Variants in MAP2 observed in about 807,000 individuals in gnomAD.
The protein encoded by MAP2 is microtubule-associated protein 2.
A neutral mutation model predicts 137.6 loss-of-function variants in MAP2; 14 were observed. The ratio of observed to expected loss-of-function variants is 0.10; its 90% CI spans 0.07 to 0.16. The LOEUF is 0.16. Among genes scored for constraint, MAP2 ranks in the 10% least tolerant of loss-of-function variants. The pLI, the probability that MAP2 is intolerant of heterozygous loss-of-function variation, is 1.00. For synonymous variants in MAP2, 786 were observed against 782.3 expected, an observed-to-expected ratio of 1.00 and a Z score of -0.08; for missense variants, 2,088 against 2,191.5, an observed-to-expected ratio of 0.95 and a Z score of 0.94.
At chr2:209,554,435 A>T (rs1249772771) in intron 2 of MAP2, among the ~76,000 whole-genome samples, 2 of 152,204 alleles carry the variant, frequency 1.3e-5, no homozygotes, top group African/African-American at 2.4e-5. Context: ...GTGAGTTAAG[A>T]TGGATGCTGC....
chr2:209,576,862 C>G (rs1330752945), intron 2 of MAP2, among the ~76,000 whole-genome samples: 2 of 152,024 alleles, frequency 1.3e-5, no homozygotes, highest in Admixed American at 6.6e-5. Flanking sequence ...ACATATGGTA[C>G]TTACTCCATG....
intron 1 of MAP2, among the ~76,000 whole-genome samples, chr2:209,456,997 A>G (rs917114544): frequency 2.0e-5 from 3 of 152,228 alleles, no homozygotes; most frequent in Non-Finnish European, 2.9e-5. Flanking sequence ...AAACACATGC[A>G]CAGATCAAAA....
intron 1 of MAP2, among the ~76,000 whole-genome samples, chr2:209,466,483 G>A (rs1468261237): frequency 1.3e-5 from 2 of 152,118 alleles, no homozygotes; most frequent in Admixed American, 6.6e-5. Flanking sequence ...AAATGAAGTG[G>A]TCAGATCACA....
intron 5 of MAP2, among the ~76,000 whole-genome samples, chr2:209,665,192 A>G (rs1361294476): frequency 6.6e-6 from 1 of 152,148 alleles, no homozygotes; most frequent in Non-Finnish European, 1.5e-5. Flanking sequence ...TAAAGAAAAT[A>G]TATCTTTGAC....
chr2:209,679,037 G>A (rs2053285376), intron 6 of MAP2, among the ~76,000 whole-genome samples: 2 of 152,008 alleles, frequency 1.3e-5, no homozygotes, highest in Non-Finnish European at 2.9e-5. Flanking sequence ...ACTTTCATAA[G>A]AGATGATTAT....
intron 1 of MAP2, among the ~76,000 whole-genome samples, chr2:209,475,696 A>C (rs1707027713): frequency 6.6e-6 from 1 of 152,138 alleles, no homozygotes; most frequent in African/African-American, 2.4e-5. Flanking sequence ...TTAATGTGTC[A>C]ATTTTAAATA....
At chr2:209,480,026 A>G (rs921198895) in intron 1 of MAP2, among the ~76,000 whole-genome samples, 2 of 152,154 alleles carry the variant, frequency 1.3e-5, no homozygotes, top group Admixed American at 6.5e-5. Flanking sequence ...TTTGAGCTGC[A>G]TTTGACATTT....
intron 2 of MAP2, among the ~76,000 whole-genome samples, chr2:209,508,053 G>T (rs13411087): frequency 4.0e-5 from 6 of 151,862 alleles, no homozygotes; most frequent in African/African-American, 1.4e-4. Context: ...AATATATTTC[G>T]TAAAGAGGGT....
intron 1 of MAP2, among the ~76,000 whole-genome samples, chr2:209,467,043 A>G (rs896267128): frequency 6.6e-6 from 1 of 152,034 alleles, no homozygotes; most frequent in African/African-American, 2.4e-5. Context: ...TTCTTGCCAA[A>G]TTTTCCTTAT....
chr2:209,472,700 T>C (rs988292118), intron 1 of MAP2, among the ~76,000 whole-genome samples: 4 of 152,028 alleles, frequency 2.6e-5, no homozygotes, highest in African/African-American at 9.7e-5. Context: ...AAAAACAGGA[T>C]TGTGTAACAC....
intron 3 of MAP2, among the ~76,000 whole-genome samples, chr2:209,623,275 T>C (rs2091634797): frequency 6.6e-6 from 1 of 152,182 alleles, no homozygotes; most frequent in Non-Finnish European, 1.5e-5. Context: ...CCAAAAGCAC[T>C]GTATTTTTTA....
intron 1 of MAP2, among the ~76,000 whole-genome samples, chr2:209,461,131 C>T (rs745972599): frequency 2.0e-5 from 3 of 152,072 alleles, no homozygotes; most frequent in Non-Finnish European, 2.9e-5. Context: ...CTCCAGAAAA[C>T]GTGATTATTA....
chr2:209,600,455 C>A (rs1423494994), intron 3 of MAP2, among the ~76,000 whole-genome samples: 1 of 152,164 alleles, frequency 6.6e-6, no homozygotes, highest in Non-Finnish European at 1.5e-5. Context: ...TCAGTCCCCC[C>A]AGCTGGCTTA....
At chr2:209,587,088 G>A (rs1191195031) in intron 3 of MAP2, among the ~76,000 whole-genome samples, 1 of 151,928 alleles carries the variant, frequency 6.6e-6, no homozygotes, top group Non-Finnish European at 1.5e-5. Context: ...TTGTGTTTGG[G>A]GACGTGGTTC....
intron 2 of MAP2, among the ~76,000 whole-genome samples, chr2:209,572,102 C>A (rs1057210438): frequency 7.9e-5 from 12 of 151,908 alleles, no homozygotes; most frequent in African/African-American, 2.4e-4. Context: ...TTAAAAAAAT[C>A]ATCATACTAA....
At position 209,730,763 on chromosome 2, in the gene MAP2, T is replaced by A. The variant is rs532855592; in HGVS notation, c.*366T>A. 2 of 182,252 alleles carry A rather than the reference T, an allele frequency of 1.1e-5. No homozygotes were observed. Among genetic ancestry groups the A allele is most frequent in the Non-Finnish European group, 1.2e-5 (1 of 86,612 alleles). 11.3% of individuals were successfully genotyped at this position (182,252 alleles called of 1,614,324 possible). On this transcript the variant is annotated 3_prime_UTR_variant, in exon 16 of 16. Coordinates refer to ENST00000682079, the MANE Select transcript of MAP2 (RefSeq NM_001375505.1). ...AAAATCCAAGCTGCTCATTTCACTA[T>A]TCTGTTTCTGAGTGAGAAGATAAAA...
intron 1 of MAP2, among the ~76,000 whole-genome samples, chr2:209,441,795 G>T (rs1697848195): frequency 6.6e-6 from 1 of 151,534 alleles, no homozygotes; most frequent in African/African-American, 2.4e-5. Flanking sequence ...CTTCAGTTCT[G>T]CTGGGCCTGA....
At chr2:209,632,441 G>A (rs1206378335) in intron 4 of MAP2, among the ~76,000 whole-genome samples, 1 of 152,082 alleles carries the variant, frequency 6.6e-6, no homozygotes, top group East Asian at 1.9e-4. Flanking sequence ...TACAGAAAAT[G>A]ACATTTAAGT....
intron 2 of MAP2, among the ~76,000 whole-genome samples, chr2:209,563,909 A>G (rs1050677643): frequency 2.0e-4 from 31 of 152,248 alleles, no homozygotes; most frequent in African/African-American, 7.2e-4. Context: ...GGTGATAAAA[A>G]TATGGCAAGA....
Sources: allele counts gnomAD v4.1 joint callset (sites outside exome capture counted in the v4.1 genomes callset), GRCh38; gene constraint gnomAD v4.1.1; transcripts MANE v1.5; gene names NCBI Gene and HGNC (gene_info 2026-07-23, HGNC 2026-07-21).